Variants in MIR2052HG observed in about 807,000 individuals in gnomAD.
The protein encoded by MIR2052HG is MIR2052 host gene.
chr8:74,619,448 A>T (rs1161480618), intron 2 of MIR2052HG, among the ~76,000 whole-genome samples: 7 of 152,186 alleles, frequency 4.6e-5, no homozygotes, highest in Admixed American at 4.6e-4. Flanking sequence ...GTCTATTCAC[A>T]CACTGCTATG....
chr8:74,722,924 G>T (rs1200956078), intron 4 of MIR2052HG, among the ~76,000 whole-genome samples: 2 of 152,186 alleles, frequency 1.3e-5, no homozygotes, highest in Non-Finnish European at 2.9e-5. Context: ...TTAACTTCAT[G>T]CTCTGGAGAT....
intron 2 of MIR2052HG, among the ~76,000 whole-genome samples, chr8:74,616,966 TA>T (rs57745464): frequency 0.068 from 10,197 of 150,260 alleles, 435 homozygotes; most frequent in African/African-American, 0.1. Flanking sequence ...AAAAAAAGAT[TA>T]AAAAAAAAAT....
intron 4 of MIR2052HG, among the ~76,000 whole-genome samples, chr8:74,727,918 G>A (rs1809653401): frequency 6.6e-6 from 1 of 150,762 alleles, no homozygotes; most frequent in African/African-American, 2.5e-5. Flanking sequence ...TGTTGTACCC[G>A]GAGTTCATTG....
chr8:74,623,618 G>A (rs1429731226), intron 2 of MIR2052HG, among the ~76,000 whole-genome samples: 1 of 152,152 alleles, frequency 6.6e-6, no homozygotes, highest in Non-Finnish European at 1.5e-5. Context: ...GTGGAGTCAG[G>A]TACTAACATA....
At chr8:74,681,427 T>C (rs1172999597) in intron 2 of MIR2052HG, among the ~76,000 whole-genome samples, 1 of 152,140 alleles carries the variant, frequency 6.6e-6, no homozygotes, top group Non-Finnish European at 1.5e-5. Flanking sequence ...GAAAGTAAGG[T>C]ATTTTTAAAG....
At chr8:74,676,945 C>T (rs1809059876) in intron 2 of MIR2052HG, among the ~76,000 whole-genome samples, 2 of 151,732 alleles carry the variant, frequency 1.3e-5, no homozygotes, top group Non-Finnish European at 2.9e-5. Context: ...TGTACCATGC[C>T]TCAATAAAGC....
chr8:74,730,247 A>G (rs140470232), intron 4 of MIR2052HG, among the ~76,000 whole-genome samples: 352 of 152,220 alleles, frequency 2.3e-3, no homozygotes, highest in African/African-American at 7.8e-3. Flanking sequence ...TACCTTTTAC[A>G]TTTCCTTAAT....
At chr8:74,727,371 GA>G (rs548080393) in intron 4 of MIR2052HG, among the ~76,000 whole-genome samples, 94 of 152,292 alleles carry the variant, frequency 6.2e-4, no homozygotes, top group African/African-American at 2.2e-3. Flanking sequence ...CTATTCCCAT[GA>G]TTGCACATTA....
chr8:74,741,896 C>T (rs577388456), intron 4 of MIR2052HG, among the ~76,000 whole-genome samples: 16 of 152,266 alleles, frequency 1.1e-4, no homozygotes, highest in African/African-American at 3.8e-4. Flanking sequence ...ACAGTATGGG[C>T]TGAAACAATA....
At chr8:74,739,831 C>T (rs1809807621) in intron 4 of MIR2052HG, among the ~76,000 whole-genome samples, 2 of 152,044 alleles carry the variant, frequency 1.3e-5, no homozygotes, top group South Asian at 4.1e-4. Flanking sequence ...TTTGTTTGTA[C>T]TATTCTCCTA....
chr8:74,668,485 G>C (rs1376372513), intron 2 of MIR2052HG, among the ~76,000 whole-genome samples: 1 of 152,110 alleles, frequency 6.6e-6, no homozygotes, highest in East Asian at 1.9e-4. Flanking sequence ...CAGTTGTTTT[G>C]CTGTGTCACA....
At chr8:74,649,669 A>T (rs1808732116) in intron 2 of MIR2052HG, among the ~76,000 whole-genome samples, 1 of 151,916 alleles carries the variant, frequency 6.6e-6, no homozygotes. Flanking sequence ...CAAAATGCCT[A>T]TGTGTAAAAA....
intron 4 of MIR2052HG, among the ~76,000 whole-genome samples, chr8:74,745,359 TG>T (rs1308109374): frequency 1.3e-5 from 2 of 152,174 alleles, no homozygotes; most frequent in Non-Finnish European, 2.9e-5. Context: ...TCATAATAAA[TG>T]GTAAATAAGC....
intron 2 of MIR2052HG, among the ~76,000 whole-genome samples, chr8:74,655,871 T>C (rs1808801166): frequency 6.6e-6 from 1 of 152,042 alleles, no homozygotes; most frequent in Non-Finnish European, 1.5e-5. Flanking sequence ...AACATCAGAC[T>C]ATGAAAGCAG....
intron 2 of MIR2052HG, among the ~76,000 whole-genome samples, chr8:74,656,094 G>A (rs1191252803): frequency 2.6e-5 from 4 of 152,138 alleles, no homozygotes; most frequent in Non-Finnish European, 5.9e-5. Context: ...TGGAATGGCT[G>A]TATTTACCTG....
chr8:74,664,687 T>A (rs1233970269), intron 2 of MIR2052HG, among the ~76,000 whole-genome samples: 1 of 152,040 alleles, frequency 6.6e-6, no homozygotes, highest in Non-Finnish European at 1.5e-5. Context: ...CCAGCTAATA[T>A]TTTATATTTT....
At chr8:74,713,108 A>G (rs1809486586) in intron 4 of MIR2052HG, among the ~76,000 whole-genome samples, 1 of 152,220 alleles carries the variant, frequency 6.6e-6, no homozygotes, top group South Asian at 2.1e-4. Flanking sequence ...TTAATACTAA[A>G]GAGCTCACAT....
intron 5 of MIR2052HG, among the ~76,000 whole-genome samples, chr8:74,756,176 G>A (rs1349212575): frequency 6.6e-6 from 1 of 152,180 alleles, no homozygotes; most frequent in Non-Finnish European, 1.5e-5. Flanking sequence ...AAGAATACAA[G>A]TCAGGAGTGC....
intron 2 of MIR2052HG, among the ~76,000 whole-genome samples, chr8:74,699,312 T>A (rs575538143): frequency 6.3e-4 from 96 of 152,196 alleles, no homozygotes; most frequent in African/African-American, 2.3e-3. Context: ...TGCACACGCA[T>A]GTTTATAGCA....
Sources: gnomAD v4.1 joint callset for allele counts (sites outside exome capture counted in the v4.1 genomes callset) on GRCh38, gnomAD v4.1.1 for gene constraint, MANE v1.5 for transcripts, NCBI Gene and HGNC (gene_info 2026-07-23, HGNC 2026-07-21) for gene names.